The following PTGFRN variants were observed in gnomAD, a reference collection of about 807,000 sequenced individuals.
The protein encoded by PTGFRN is prostaglandin F2 receptor inhibitor, also known as prostaglandin F2 receptor negative regulator.
Under a neutral mutation model 83.2 loss-of-function variants are expected in PTGFRN, and 35 were observed. The observed-to-expected ratio is 0.42, with a 90% CI of 0.32 to 0.56. PTGFRN has a LOEUF of 0.56. Ranked by LOEUF, PTGFRN falls within the 20% of genes least tolerant of loss-of-function variation. The probability of loss-of-function intolerance (pLI) is 0.11; values close to 1 mark genes in which losing one functional copy is unlikely to be tolerated. For missense variants in PTGFRN, 1,051 were observed against 1,179.5 expected (o/e 0.89, Z 1.60); for synonymous variants, 519 against 498.6 (o/e 1.04, Z -0.55).
intron 4 of PTGFRN, among the ~76,000 whole-genome samples, chr1:116,956,370 G>C (rs1159206108): frequency 6.6e-6 from 1 of 152,196 alleles, no homozygotes; most frequent in Non-Finnish European, 1.5e-5. Flanking sequence ...TTCCAAGCTG[G>C]AATTCCTATA....
intron 7 of PTGFRN, among the ~76,000 whole-genome samples, chr1:116,974,879 A>G (rs1651102313): frequency 6.6e-6 from 1 of 152,120 alleles, no homozygotes; most frequent in Admixed American, 6.5e-5. Flanking sequence ...CAGTGGGTGC[A>G]GGACAGTAGG....
rs530739922 is a variant in PTGFRN, at chr1:116,918,524, G to A, written c.49+8272G>A. Reference sequence around the variant, plus strand: ...CAAAGTTTGTATTTGAACAAGATCCGCAGGGGATTCAAATGCATGCTAAAG... The same window carrying A: ...CAAAGTTTGTATTTGAACAAGATCCACAGGGGATTCAAATGCATGCTAAAG... On this transcript the variant is annotated intron_variant, in intron 1 of 8. Coordinates refer to ENST00000393203, the MANE Select transcript of PTGFRN (RefSeq NM_020440.4). This position sits in a 1 kb window ranked among gnomAD's most constrained non-coding sequence, Gnocchi z 4.1. 3.3e-5 allele frequency among the ~76,000 whole-genome samples: 5 copies of A among 152,284 alleles called. No individual in the cohort carries two copies. The highest frequency in any genetic ancestry group is 2.1e-4 in the South Asian group (1 of 4,814).
At chr1:116,955,123 G>A (rs1650451221) in intron 4 of PTGFRN, among the ~76,000 whole-genome samples, 1 of 152,172 alleles carries the variant, frequency 6.6e-6, no homozygotes, top group African/African-American at 2.4e-5. Context: ...TTGTGACAAA[G>A]GAGTCTAATG....
In PTGFRN at chr1:116,965,587, G is replaced by A. The variant is rs1008420417; in HGVS notation, c.1640-1324G>A. The stretch of plus-strand genomic sequence containing the variant: ...GGAATGAGCCACTACACCCAGCTCA[G>A]GTTCTTTTTAAAATGTTGCCTCCTC... On this transcript the variant is annotated intron_variant, in intron 5 of 8. Coordinates refer to ENST00000393203, the MANE Select transcript of PTGFRN (RefSeq NM_020440.4). 5.3e-5 allele frequency among the ~76,000 whole-genome samples: 8 copies of A among 151,888 alleles called. 2 individuals are homozygous for A. In the South Asian group the frequency reaches 1.7e-3, roughly 32 times the overall value.
intron 1 of PTGFRN, among the ~76,000 whole-genome samples, chr1:116,932,952 T>C (rs1215940176): frequency 2.0e-5 from 3 of 152,208 alleles, no homozygotes; most frequent in Non-Finnish European, 2.9e-5. Flanking sequence ...TTTCCTCATA[T>C]CTGTGATAGG....
intron 4 of PTGFRN, among the ~76,000 whole-genome samples, chr1:116,956,455 T>G (rs1393958044): frequency 6.6e-6 from 1 of 152,216 alleles, no homozygotes; most frequent in African/African-American, 2.4e-5. Flanking sequence ...TCAAACAGAT[T>G]GATTTCAGGG....
chr1:116,925,809 C>G (rs1649642702), intron 1 of PTGFRN, among the ~76,000 whole-genome samples: 1 of 152,142 alleles, frequency 6.6e-6, no homozygotes, highest in Non-Finnish European at 1.5e-5. Context: ...GTTAGCTCAT[C>G]AACTTTCCGT....
intron 6 of PTGFRN, among the ~76,000 whole-genome samples, chr1:116,968,489 G>C (rs2101081229): frequency 6.6e-6 from 1 of 151,986 alleles, no homozygotes; most frequent in Admixed American, 6.6e-5. Flanking sequence ...CCTTAGATTT[G>C]GAGAAAGCAT....
At position 116,949,284 on chromosome 1, in the gene PTGFRN, G is replaced by A. The variant is rs749317571; in HGVS notation, c.925G>A (p.Val309Ile). The A allele has an allele frequency of 1.5e-5, 24 of 1,614,262 alleles. No homozygotes were observed. The highest frequency in any genetic ancestry group is 3.3e-5 in the South Asian group (3 of 91,090). The change falls in exon 4 of 9, where the codon GTC becomes ATC. Residue 309 changes from valine to isoleucine, a missense_variant. This residue lies in a region of PTGFRN where 719 missense variants were observed against 836.6 expected (regional missense o/e 0.86). Transcript: ENST00000393203. ...CATCACAACAGACCGAGCCGATGAC[G>A]TCCGGCCCGAGGTGACGTGGTCCTT... The part of the protein sequence containing the change: ...CNITTDRADD[V>I]RPEVTWSFSR...
In PTGFRN at chr1:116,958,259, AG is replaced by A. The variant is rs1650553024; in HGVS notation, c.1214-2981del. Among the ~76,000 whole-genome samples the A allele has an allele frequency of 1.3e-5, 2 of 152,224 alleles. No individual in the cohort carries two copies. Among genetic ancestry groups the A allele is most frequent in the Non-Finnish European group, 2.9e-5 (2 of 68,052 alleles). On this transcript the variant is annotated intron_variant, in intron 4 of 8. Transcript: ENST00000393203. The surrounding 1 kb of genome is among the most constrained non-coding windows in gnomAD (Gnocchi z 4.9). The stretch of plus-strand genomic sequence containing the variant: ...CACACTGGTCAGTCAGGCTGAGGCG[AG>A]GGCCTGCAGGGAGCTGTCTTCTGGG...
chr1:116,933,026 C>T (rs1421383988), intron 1 of PTGFRN, among the ~76,000 whole-genome samples: 1 of 152,204 alleles, frequency 6.6e-6, no homozygotes. Context: ...TAGTGCCTGG[C>T]TCAGTCAGTC....
At chr1:116,913,141 A>G (rs1227601678) in intron 1 of PTGFRN, among the ~76,000 whole-genome samples, 1 of 152,244 alleles carries the variant, frequency 6.6e-6, no homozygotes, top group Non-Finnish European at 1.5e-5. Flanking sequence ...AGAGAATAAA[A>G]TAGCTAACCA....
intron 6 of PTGFRN, among the ~76,000 whole-genome samples, chr1:116,969,030 C>T (rs528430770): frequency 6.6e-6 from 1 of 151,756 alleles, no homozygotes; most frequent in East Asian, 1.9e-4. Context: ...TTGAAAGTAT[C>T]TTCTCGCATT....
intron 1 of PTGFRN, among the ~76,000 whole-genome samples, chr1:116,938,833 A>G (rs149030201): frequency 0.014 from 2,139 of 152,344 alleles, 61 homozygotes; most frequent in African/African-American, 0.049. Context: ...CTTCCTAGAT[A>G]CAATGTGGGT....
chr1:116,925,681 T>C (rs1242470401), intron 1 of PTGFRN, among the ~76,000 whole-genome samples: 1 of 152,172 alleles, frequency 6.6e-6, no homozygotes, highest in East Asian at 1.9e-4. Context: ...GTCCCTCCTT[T>C]CCTTTATTTA....
chr1:116,945,119 T>C, intron 3 of PTGFRN, 27 bp downstream of exon 3: 1 of 1,575,136 alleles, frequency 6.3e-7, no homozygotes. Flanking sequence ...GCGTTATAGG[T>C]GATGTTATTT....
intron 4 of PTGFRN, among the ~76,000 whole-genome samples, chr1:116,956,436 A>G (rs1490253255): frequency 2.0e-5 from 3 of 152,226 alleles, no homozygotes; most frequent in Admixed American, 1.3e-4. Context: ...GTGTTTGGGT[A>G]TGTAGGATTC....
At chr1:116,976,087 A>C (rs2101086662) in intron 7 of PTGFRN, among the ~76,000 whole-genome samples, 1 of 152,374 alleles carries the variant, frequency 6.6e-6, no homozygotes, top group South Asian at 2.1e-4. Flanking sequence ...CATAAGCTTT[A>C]GTAGCTGATT....
chr1:116,982,810 G>A (rs1651356897), intron 7 of PTGFRN, among the ~76,000 whole-genome samples: 1 of 152,150 alleles, frequency 6.6e-6, no homozygotes, highest in South Asian at 2.1e-4. Context: ...GCAAAGAAGC[G>A]AGAGCAGTTC....
Sources: allele counts gnomAD v4.1 joint callset (sites outside exome capture counted in the v4.1 genomes callset), GRCh38; gene constraint gnomAD v4.1.1; regional missense constraint gnomAD v4.1.1; non-coding constraint Gnocchi (gnomAD v3.1); transcripts MANE v1.5; gene names NCBI Gene and HGNC (gene_info 2026-07-23, HGNC 2026-07-21).